SPATA16: variants seen among roughly 807,000 people sequenced by gnomAD.
The protein encoded by SPATA16 is spermatogenesis associated 16.
SPATA16 carries 36 observed loss-of-function variants against 63.3 expected under a neutral mutation model. The observed-to-expected ratio is 0.57, with a 90% CI of 0.44 to 0.75. The LOEUF (loss-of-function observed/expected upper bound fraction) is 0.75. SPATA16 is among the 30% of genes least tolerant of loss of function. SPATA16 has a pLI of 0.00. For missense variants in SPATA16, 646 were observed against 679.3 expected (o/e 0.95, Z 0.54); for synonymous variants, 203 against 216.7 (o/e 0.94, Z 0.56).
chr3:173,098,304 G>T (rs967362269), intron 2 of SPATA16, among the ~76,000 whole-genome samples: 3 of 152,068 alleles, frequency 2.0e-5, no homozygotes, highest in African/African-American at 7.2e-5. Flanking sequence ...CTTCACCAGG[G>T]CATCATCCAG....
rs1428306361 is a variant in SPATA16, at chr3:172,962,806, CTT to C, written c.934-5984_934-5983del. Among the ~76,000 whole-genome samples, 11 of 151,938 alleles carry C rather than the reference CTT, an allele frequency of 7.2e-5. 1 individual carries two copies. Among genetic ancestry groups the C allele is most frequent in the Admixed American group, 2.0e-4 (3 of 15,248 alleles). ...TTAGTGTTTAATGGCTAATAAACCTCTTTGTTATTATATTAATAATAATGCAA... is the reference window on the plus strand; with the variant it reads ...TTAGTGTTTAATGGCTAATAAACCTCTGTTATTATATTAATAATAATGCAA... On this transcript the variant is annotated intron_variant, in intron 5 of 10. Transcript: ENST00000351008.
chr3:173,089,265 G>C (rs777236323), intron 2 of SPATA16, among the ~76,000 whole-genome samples: 3 of 152,186 alleles, frequency 2.0e-5, no homozygotes, highest in Non-Finnish European at 2.9e-5. Flanking sequence ...GAAGGTAGAG[G>C]AAACACTGAT....
intron 6 of SPATA16, among the ~76,000 whole-genome samples, chr3:172,935,864 C>A (rs1163511305): frequency 6.6e-6 from 1 of 151,926 alleles, no homozygotes; most frequent in Non-Finnish European, 1.5e-5. Context: ...ACTCTCATGT[C>A]TAGGAATAAA....
chr3:172,898,115 G>T (rs994109578), intron 10 of SPATA16, among the ~76,000 whole-genome samples: 1 of 151,866 alleles, frequency 6.6e-6, no homozygotes, highest in Non-Finnish European at 1.5e-5. Flanking sequence ...CTTAGTTATG[G>T]TATATAATTT....
intron 2 of SPATA16, among the ~76,000 whole-genome samples, chr3:173,071,035 G>A (rs1736662863): frequency 6.6e-6 from 1 of 152,160 alleles, no homozygotes; most frequent in East Asian, 1.9e-4. Context: ...TAAAGCTGGA[G>A]ACGCCATATT....
rs1553802178 is a variant in SPATA16 at position 173,093,076 on chromosome 3, C to CAT, written c.612+24042_612+24043dup. Among the ~76,000 whole-genome samples, 1,338 of 143,990 alleles carry CAT rather than the reference C, an allele frequency of 9.3e-3. 28 individuals are homozygous for CAT. Among genetic ancestry groups the CAT allele is most frequent in the African/African-American group, 0.028 (1,067 of 38,738 alleles). The allele number at this position is 143,990 out of a possible 152,430, so 94.5% of individuals were successfully genotyped here. ...ACACACACACACACACACACACACA[C>CAT]ATATATATATATATGTTTCAAGTTA... On this transcript the variant is annotated intron_variant, in intron 2 of 10. Coordinates refer to ENST00000351008, the MANE Select transcript of SPATA16 (RefSeq NM_031955.6).
intron 10 of SPATA16, among the ~76,000 whole-genome samples, chr3:172,901,506 G>A (rs1675585562): frequency 6.6e-6 from 1 of 152,194 alleles, no homozygotes; most frequent in Admixed American, 6.5e-5. Flanking sequence ...GGCCTAAAAT[G>A]TCAATAATTC....
chr3:173,010,071 C>T (rs955788963), intron 4 of SPATA16, among the ~76,000 whole-genome samples: 1 of 152,106 alleles, frequency 6.6e-6, no homozygotes, highest in Non-Finnish European at 1.5e-5. Context: ...GACTGCCACG[C>T]AGGAAAAGGA....
intron 4 of SPATA16, among the ~76,000 whole-genome samples, chr3:172,985,888 T>TA (rs1233054818): frequency 6.6e-6 from 1 of 152,176 alleles, no homozygotes; most frequent in African/African-American, 2.4e-5. Flanking sequence ...CAGATGAATT[T>TA]AAACTTTATT....
chr3:172,938,974 A>G (rs1733079264), intron 6 of SPATA16, among the ~76,000 whole-genome samples: 2 of 152,016 alleles, frequency 1.3e-5, no homozygotes, highest in Admixed American at 6.5e-5. Context: ...CAGAGCTAAC[A>G]TTCTTTTCTG....
chr3:172,906,538 C>T (rs13070200), intron 10 of SPATA16, among the ~76,000 whole-genome samples: 79,155 of 151,778 alleles, frequency 0.52, 22,282 homozygotes, highest in South Asian at 0.69. Context: ...TTGGAGGTCA[C>T]CTTAATTCCC....
intron 1 of SPATA16, among the ~76,000 whole-genome samples, chr3:173,139,270 A>T (rs1307800818): frequency 2.6e-5 from 4 of 152,238 alleles, no homozygotes; most frequent in African/African-American, 9.6e-5. Context: ...TATTAGACAG[A>T]TGGCTCATGC....
At chr3:173,058,732 A>T (rs1736308981) in intron 2 of SPATA16, among the ~76,000 whole-genome samples, 1 of 152,034 alleles carries the variant, frequency 6.6e-6, no homozygotes, top group South Asian at 2.1e-4. Context: ...AGGCTGTTCT[A>T]AATTTGTTCA....
At chr3:173,049,496 C>A (rs1235571068) in intron 2 of SPATA16, among the ~76,000 whole-genome samples, 1 of 151,980 alleles carries the variant, frequency 6.6e-6, no homozygotes, top group African/African-American at 2.4e-5. Context: ...TATTAAATAC[C>A]AGTGCTTTTA....
At chr3:173,019,378 T>C in intron 4 of SPATA16, 108 bp downstream of exon 4, 1 of 975,892 alleles carries the variant, frequency 1.0e-6, no homozygotes, top group East Asian at 2.4e-5. Context: ...TTGGATAAAA[T>C]CATATTCCAT....
At chr3:172,899,829 A>G (rs535968316) in intron 10 of SPATA16, among the ~76,000 whole-genome samples, 6 of 152,132 alleles carry the variant, frequency 3.9e-5, no homozygotes, top group African/African-American at 1.2e-4. Context: ...TACGTAAAAT[A>G]TGTGTGTGTG....
At chr3:173,119,336 A>T (rs1049443028) in intron 1 of SPATA16, among the ~76,000 whole-genome samples, 14 of 152,188 alleles carry the variant, frequency 9.2e-5, no homozygotes, top group Non-Finnish European at 2.1e-4. Context: ...TAAACAAACA[A>T]AAAGCATCCT....
intron 5 of SPATA16, among the ~76,000 whole-genome samples, chr3:172,961,689 C>T (rs967900971): frequency 6.6e-6 from 1 of 152,002 alleles, no homozygotes; most frequent in African/African-American, 2.4e-5. Context: ...CCACCATGGC[C>T]GGCCTTCTAA....
chr3:173,131,195 A>G (rs959369750), intron 1 of SPATA16, among the ~76,000 whole-genome samples: 2 of 152,220 alleles, frequency 1.3e-5, no homozygotes, highest in African/African-American at 4.8e-5. Context: ...AAACAAAGAC[A>G]TAGTTTAAAA....
Sources: allele counts gnomAD v4.1 joint callset (sites outside exome capture counted in the v4.1 genomes callset), GRCh38; gene constraint gnomAD v4.1.1; transcripts MANE v1.5; gene names NCBI Gene and HGNC (gene_info 2026-07-23, HGNC 2026-07-21).